Variants in DSCAM observed in about 807,000 individuals in gnomAD.
DSCAM encodes DS cell adhesion molecule, also known as cell adhesion molecule DSCAM.
In DSCAM, 47 loss-of-function variants were observed where a neutral mutation model predicts 217.7. That is an observed-to-expected ratio of 0.22 (90% CI 0.17 to 0.28). The LOEUF (loss-of-function observed/expected upper bound fraction) is 0.28. Ranked by LOEUF, DSCAM falls within the 10% of genes least tolerant of loss-of-function variation. DSCAM has a pLI of 1.00. For missense variants in DSCAM, 2,080 were observed against 2,618.3 expected, an observed-to-expected ratio of 0.79 and a Z score of 4.49; for synonymous variants, 1,056 against 1,015.3, an observed-to-expected ratio of 1.04 and a Z score of -0.76.
At chr21:40,355,004 A>ATTTT (rs1569081270) in intron 4 of DSCAM, among the ~76,000 whole-genome samples, 1 of 152,178 alleles carries the variant, frequency 6.6e-6, no homozygotes, top group Non-Finnish European at 1.5e-5. Flanking sequence ...CCCTCAGTGT[A>ATTTT]GACCAGCACA....
chr21:40,660,198 G>A (rs937411429), intron 3 of DSCAM, among the ~76,000 whole-genome samples: 1 of 152,156 alleles, frequency 6.6e-6, no homozygotes, highest in Non-Finnish European at 1.5e-5. Flanking sequence ...TTTGGCCACA[G>A]ATATGCTTAA....
intron 1 of DSCAM, among the ~76,000 whole-genome samples, chr21:40,799,029 C>A (rs2091716003): frequency 6.6e-6 from 1 of 151,932 alleles, no homozygotes; most frequent in South Asian, 2.1e-4. Flanking sequence ...ATGTTATTAC[C>A]CTATAAAGAC....
intron 3 of DSCAM, among the ~76,000 whole-genome samples, chr21:40,611,185 G>A (rs112601020): frequency 0.025 from 3,718 of 150,490 alleles, 120 homozygotes; most frequent in East Asian, 0.093. Context: ...CAGCCTCCCG[G>A]GTAGCTGGGA....
At chr21:40,094,978 T>C (rs1347057747) in intron 20 of DSCAM, among the ~76,000 whole-genome samples, 1 of 152,206 alleles carries the variant, frequency 6.6e-6, no homozygotes, top group East Asian at 1.9e-4. Context: ...AGCGATACCA[T>C]GGAGTCTGTA....
At chr21:40,113,600 T>C (rs1406033197) in intron 20 of DSCAM, among the ~76,000 whole-genome samples, 3 of 152,066 alleles carry the variant, frequency 2.0e-5, no homozygotes, top group South Asian at 2.1e-4. Flanking sequence ...GGTATTCAAG[T>C]AGGAAAAGAG....
intron 1 of DSCAM, among the ~76,000 whole-genome samples, chr21:40,822,044 C>T (rs1257523633): frequency 6.6e-6 from 1 of 151,106 alleles, no homozygotes; most frequent in African/African-American, 2.4e-5. Flanking sequence ...AAAGACCGGG[C>T]ACAGTGGCTC....
intron 20 of DSCAM, among the ~76,000 whole-genome samples, chr21:40,104,990 C>T (rs1293707343): frequency 6.6e-6 from 1 of 152,146 alleles, no homozygotes; most frequent in African/African-American, 2.4e-5. Context: ...TACCTCAAAG[C>T]TAGAATGCTT....
Position 40,339,315 on chromosome 21 carries a change from C to A in DSCAM, c.1311G>T (p.Thr437=). ...MCNVKGTPLP[T]ITWTLDDDPI... ...GGTCATCGTCCAGGGTCCACGTGAT[C>A]GTGGGCAAAGGTGTTCCCTTCACGT... Residue 437 remains threonine (T), a synonymous_variant, in exon 7 of 33, where the codon ACG becomes ACT. Transcript: ENST00000400454. 2 of 1,614,146 alleles carry A rather than the reference C, an allele frequency of 1.2e-6. No individual in the cohort carries two copies. Among genetic ancestry groups the A allele is most frequent in the Non-Finnish European group, 1.7e-6 (2 of 1,180,024 alleles).
intron 20 of DSCAM, among the ~76,000 whole-genome samples, chr21:40,109,813 C>T (rs375176271): frequency 6.6e-6 from 1 of 152,218 alleles, no homozygotes; most frequent in Non-Finnish European, 1.5e-5. Flanking sequence ...CAGAGCCTCA[C>T]TCATTGCTAG....
At chr21:40,413,396 G>T (rs1353170233) in intron 3 of DSCAM, among the ~76,000 whole-genome samples, 1 of 152,226 alleles carries the variant, frequency 6.6e-6, no homozygotes, top group African/African-American at 2.4e-5. Context: ...AGGCAGAGCT[G>T]CCCAGACCAT....
chr21:40,513,819 T>C (rs1452799071), intron 3 of DSCAM, among the ~76,000 whole-genome samples: 1 of 151,754 alleles, frequency 6.6e-6, no homozygotes, highest in African/African-American at 2.4e-5. Flanking sequence ...CAAAATAACA[T>C]ATTAGAGAGA....
chr21:40,844,709 T>TTTAGTTATAAA (rs2092130228), intron 1 of DSCAM, among the ~76,000 whole-genome samples: 1 of 152,200 alleles, frequency 6.6e-6, no homozygotes, highest in African/African-American at 2.4e-5. Context: ...AAAATGCTGA[T>TTTAGTTATAAA]TCAGAAAAAA....
intron 3 of DSCAM, among the ~76,000 whole-genome samples, chr21:40,500,921 A>T (rs1224980095): frequency 6.6e-6 from 1 of 152,240 alleles, no homozygotes; most frequent in Non-Finnish European, 1.5e-5. Context: ...AGACAGGGAA[A>T]GAGTGGGCTT....
At chr21:40,790,841 A>C (rs1326582987) in intron 1 of DSCAM, among the ~76,000 whole-genome samples, 1 of 152,202 alleles carries the variant, frequency 6.6e-6, no homozygotes, top group African/African-American at 2.4e-5. Context: ...CAGAATGCAC[A>C]GTTGATGCTT....
At chr21:40,795,717 A>G (rs1364057857) in intron 1 of DSCAM, among the ~76,000 whole-genome samples, 1 of 152,248 alleles carries the variant, frequency 6.6e-6, no homozygotes. Flanking sequence ...CTGAAACTCA[A>G]GTCAAAAACT....
intron 26 of DSCAM, among the ~76,000 whole-genome samples, chr21:40,076,859 ATACT>A (rs1221036040): frequency 6.6e-6 from 1 of 152,258 alleles, no homozygotes; most frequent in Non-Finnish European, 1.5e-5. Context: ...AGTAAAAAAG[ATACT>A]TACTACTCAA....
At chr21:40,676,239 A>G (rs1043420569) in intron 3 of DSCAM, among the ~76,000 whole-genome samples, 1 of 152,158 alleles carries the variant, frequency 6.6e-6, no homozygotes, top group Non-Finnish European at 1.5e-5. Flanking sequence ...TCTTATGTCA[A>G]CAAGTCAAAG....
rs371978177 is a variant in DSCAM, at chr21:40,644,815, C to T, written c.508+47995G>A. On this transcript the variant is annotated intron_variant, in intron 3 of 32. Coordinates refer to ENST00000400454, the MANE Select transcript of DSCAM (RefSeq NM_001389.5). ...ATTTTGTTTAGTTCTTTGCTCAATG[C>T]ACCAAGAACCTGGACAACTCACAGT... 1.8e-4 allele frequency among the ~76,000 whole-genome samples: 27 copies of T among 152,246 alleles called. No homozygotes were observed. In the South Asian group the frequency reaches 3.3e-3, roughly 19 times the overall value.
chr21:40,780,330 G>A (rs1174129422), intron 1 of DSCAM, among the ~76,000 whole-genome samples: 1 of 150,850 alleles, frequency 6.6e-6, no homozygotes, highest in African/African-American at 2.4e-5. Context: ...ACTTTGTAAA[G>A]GTGACTTGGG....
Sources: allele counts gnomAD v4.1 joint callset (sites outside exome capture counted in the v4.1 genomes callset), GRCh38; gene constraint gnomAD v4.1.1; transcripts MANE v1.5; gene names NCBI Gene and HGNC (gene_info 2026-07-23, HGNC 2026-07-21).